The following SIM1 variants were observed in gnomAD, a reference collection of about 807,000 sequenced individuals.
SIM1 encodes the protein SIM bHLH transcription factor 1, also known as single-minded homolog 1.
SIM1 carries 18 observed loss-of-function variants against 78.2 expected under a neutral mutation model. That is an observed-to-expected ratio of 0.23 (90% CI 0.16 to 0.34). The LOEUF is 0.34. SIM1 is among the 10% of genes least tolerant of loss of function. The pLI, the probability that SIM1 is intolerant of heterozygous loss-of-function variation, is 1.00. For synonymous variants in SIM1, 417 were observed against 385.2 expected (o/e 1.08, Z -0.97); for missense variants, 939 against 975.1 (o/e 0.96, Z 0.49).
intron 9 of SIM1, among the ~76,000 whole-genome samples, chr6:100,442,888 G>A (rs977373868): frequency 6.6e-6 from 1 of 152,020 alleles, no homozygotes; most frequent in African/African-American, 2.4e-5. Flanking sequence ...AATGTTTGCT[G>A]CTTTATGGCA....
rs909247348 is a variant in SIM1 at position 100,390,621 on chromosome 6, C to G, written c.2041G>C (p.Asp681His). The G allele has an allele frequency of 6.2e-7, 1 of 1,614,128 alleles. No homozygotes were observed. The highest frequency in any genetic ancestry group is 8.5e-7 in the Non-Finnish European group (1 of 1,180,024). ...CCTGCTGTCTGATGAGGAGATATAT[C>G]CGAATGCAGATAGTCTTTAGCTAGG... Reference protein sequence around the residue: ...LILAKDYLHSDISPHQTAGDH... With the variant: ...LILAKDYLHSHISPHQTAGDH... The change falls in exon 12 of 12, where the codon GAT becomes CAT. Residue 681 changes from aspartate to histidine, a missense_variant. Physicochemically the swap from Asp to His is moderately conservative, Grantham distance 81. Coordinates refer to ENST00000369208, the MANE Select transcript of SIM1 (RefSeq NM_005068.3).
intron 4 of SIM1, 131 bp downstream of exon 4, chr6:100,450,136 C>T: frequency 1.3e-6 from 1 of 747,478 alleles, no homozygotes; most frequent in Non-Finnish European, 2.4e-6. Flanking sequence ...ATTTAAGAGT[C>T]TTCCTGCTAG....
rs1021774853 is a variant in SIM1, at chr6:100,436,688, G to C, written c.998+10580C>G. 2.0e-5 allele frequency among the ~76,000 whole-genome samples: 3 copies of C among 151,822 alleles called. 1 individual carries two copies. In the South Asian group the frequency reaches 6.2e-4, roughly 32 times the overall value. On this transcript the variant is annotated intron_variant, in intron 9 of 11. Transcript: ENST00000369208. ...AACCCATTATTACCCGCATCTTACA[G>C]GTTTTTGTTGTTGTCGTTGTTTTTT...
At chr6:100,451,847 C>G (rs917670978) in intron 3 of SIM1, among the ~76,000 whole-genome samples, 16 of 152,128 alleles carry the variant, frequency 1.1e-4, no homozygotes, top group Non-Finnish European at 2.4e-4. Context: ...TTTGGAGATG[C>G]TAAACTTCAA....
At chr6:100,417,923 A>G (rs117909573) in intron 10 of SIM1, among the ~76,000 whole-genome samples, 89 of 152,360 alleles carry the variant, frequency 5.8e-4, no homozygotes, top group Non-Finnish European at 1.1e-3. Context: ...GCAATTTCAA[A>G]TGAGACGTAT....
chr6:100,397,682 G>C (rs1486226152), intron 10 of SIM1, among the ~76,000 whole-genome samples: 1 of 151,770 alleles, frequency 6.6e-6, no homozygotes, highest in Admixed American at 6.6e-5. Context: ...AATTGAACTA[G>C]ATCAAAATTA....
At chr6:100,406,523 G>A (rs1771054463) in intron 10 of SIM1, among the ~76,000 whole-genome samples, 1 of 152,090 alleles carries the variant, frequency 6.6e-6, no homozygotes, top group African/African-American at 2.4e-5. Flanking sequence ...TTGTAATTTT[G>A]TAAAAAGAAA....
chr6:100,456,648 C>A (rs1353487758), intron 2 of SIM1, among the ~76,000 whole-genome samples: 2 of 152,190 alleles, frequency 1.3e-5, no homozygotes, highest in African/African-American at 4.8e-5. Flanking sequence ...GCCACATTAA[C>A]CTTAGCTGAT....
intron 10 of SIM1, among the ~76,000 whole-genome samples, chr6:100,412,142 A>T (rs1032508028): frequency 1.3e-5 from 2 of 152,106 alleles, no homozygotes; most frequent in African/African-American, 4.8e-5. Flanking sequence ...ATTTTCCAAA[A>T]TAGGGAGAAA....
intron 10 of SIM1, among the ~76,000 whole-genome samples, chr6:100,417,853 C>T (rs1771443714): frequency 6.6e-6 from 1 of 152,148 alleles, no homozygotes; most frequent in Non-Finnish European, 1.5e-5. Context: ...TATCTAAACA[C>T]AATTAAAGAA....
At chr6:100,417,966 A>G (rs1771448071) in intron 10 of SIM1, among the ~76,000 whole-genome samples, 1 of 152,270 alleles carries the variant, frequency 6.6e-6, no homozygotes, top group South Asian at 2.1e-4. Context: ...TTATATAAGC[A>G]TTAACCACAA....
intron 6 of SIM1, 36 bp from the exon 7 acceptor site, chr6:100,448,714 A>G: frequency 6.4e-7 from 1 of 1,574,578 alleles, no homozygotes; most frequent in South Asian, 1.1e-5. Context: ...ACTCAGCCAC[A>G]GGTAGGAAGA....
chr6:100,392,622 G>C (rs192962199), intron 11 of SIM1, among the ~76,000 whole-genome samples: 75 of 152,336 alleles, frequency 4.9e-4, no homozygotes, highest in Non-Finnish European at 9.3e-4. Context: ...CTTCTGAGTG[G>C]TATCTGACAG....
intron 9 of SIM1, 40 bp downstream of exon 9, chr6:100,447,228 T>G (rs1344590572): frequency 6.3e-7 from 1 of 1,599,070 alleles, no homozygotes; most frequent in Non-Finnish European, 8.6e-7. Context: ...GAGAGCAGGG[T>G]CGCCTGGGGT....
chr6:100,448,346 C>A (rs1772416478), intron 7 of SIM1, 94 bp from the exon 8 acceptor site: 4 of 1,348,772 alleles, frequency 3.0e-6, no homozygotes, highest in Non-Finnish European at 4.1e-6. Context: ...CCTAGCTGTC[C>A]GCCCTCACTT....
intron 6 of SIM1, 50 bp downstream of exon 6, chr6:100,449,313 G>T: frequency 6.6e-7 from 1 of 1,506,588 alleles, no homozygotes; most frequent in Non-Finnish European, 9.2e-7. Context: ...CACGCGCCTT[G>T]CTTCCCGCCT....
chr6:100,443,298 T>C (rs2114534004), intron 9 of SIM1, among the ~76,000 whole-genome samples: 1 of 152,216 alleles, frequency 6.6e-6, no homozygotes, highest in East Asian at 1.9e-4. Flanking sequence ...TGAGATTTTC[T>C]AGGAAAGCAA....
Position 100,390,922 on chromosome 6 carries a change from G to A in SIM1, c.1740C>T (p.Asn580=), listed in dbSNP as rs765244310. Residue 580 remains asparagine (N), a synonymous_variant, in exon 12 of 12, where the codon AAC becomes AAT. Transcript: ENST00000369208. The part of the protein sequence containing the change: ...ATQQMIKEEE[N]RLQLRKAPSD... Reference sequence around the variant, plus strand: ...AGGGGGCTTTCCTTAGCTGTAATCTGTTCTCTTCTTCTTTAATCATTTGCT... The same window carrying A: ...AGGGGGCTTTCCTTAGCTGTAATCTATTCTCTTCTTCTTTAATCATTTGCT... The A allele has an allele frequency of 8.1e-6, 13 of 1,613,964 alleles. No individual in the cohort carries two copies.
intron 4 of SIM1, 47 bp downstream of exon 4, chr6:100,450,220 C>T: frequency 1.3e-6 from 2 of 1,544,752 alleles, no homozygotes; most frequent in Middle Eastern, 1.8e-4. Context: ...CTGCTTCCAG[C>T]TCTGGCTGTA....
Sources: gnomAD v4.1 joint callset for allele counts (sites outside exome capture counted in the v4.1 genomes callset) on GRCh38, gnomAD v4.1.1 for gene constraint, MANE v1.5 for transcripts, NCBI Gene and HGNC (gene_info 2026-07-23, HGNC 2026-07-21) for gene names.